The following ARHGEF7 variants were observed in gnomAD, a reference collection of about 807,000 sequenced individuals.
The protein encoded by ARHGEF7 is PAK-interacting exchange factor beta.
A neutral mutation model predicts 109.8 loss-of-function variants in ARHGEF7; 33 were observed. The ratio of observed to expected loss-of-function variants is 0.30; its 90% CI spans 0.23 to 0.40. The LOEUF (loss-of-function observed/expected upper bound fraction) is 0.40, where lower values mean the gene tolerates loss of function less well. Ranked by LOEUF, ARHGEF7 falls within the 10% of genes least tolerant of loss-of-function variation. ARHGEF7 has a pLI of 1.00. For missense variants in ARHGEF7, 938 were observed against 1,098.5 expected (o/e 0.85, Z 2.07); for synonymous variants, 458 against 424.6 (o/e 1.08, Z -0.97).
At chr13:111,203,363 A>AG (rs2081406988) in intron 2 of ARHGEF7, among the ~76,000 whole-genome samples, 1 of 152,234 alleles carries the variant, frequency 6.6e-6, no homozygotes, top group Non-Finnish European at 1.5e-5. Context: ...ATGTCAGCCT[A>AG]GATGCTGCTC....
At chr13:111,248,074 AT>A (rs1470393780) in intron 8 of ARHGEF7, among the ~76,000 whole-genome samples, 1 of 152,074 alleles carries the variant, frequency 6.6e-6, no homozygotes, top group Non-Finnish European at 1.5e-5. Flanking sequence ...GTTTTTTGTA[AT>A]TCAGGTGTGT....
At chr13:111,130,242 G>A (rs1021266691) in intron 1 of ARHGEF7, among the ~76,000 whole-genome samples, 2 of 152,182 alleles carry the variant, frequency 1.3e-5, no homozygotes, top group African/African-American at 2.4e-5. Context: ...TCTGCGTGAG[G>A]GGCAGAGTCA....
At chr13:111,155,020 TAAA>T (rs928709341) in intron 2 of ARHGEF7, among the ~76,000 whole-genome samples, 4 of 151,890 alleles carry the variant, frequency 2.6e-5, no homozygotes, top group African/African-American at 9.7e-5. Context: ...AAAAAAACAA[TAAA>T]AAACAACACA....
intron 2 of ARHGEF7, chr13:111,202,999 C>T: frequency 8.8e-7 from 1 of 1,133,462 alleles, no homozygotes; most frequent in Non-Finnish European, 1.1e-6. Context: ...TTCAGCCAAT[C>T]AGATGCTTCC....
Position 111,246,385 on chromosome 13 carries a change from G to T in ARHGEF7, c.950+2091G>T, listed in dbSNP as rs372427920. Among the ~76,000 whole-genome samples, 288 of 152,244 alleles carry T rather than the reference G, an allele frequency of 1.9e-3. 1 individual carries two copies. Among genetic ancestry groups the T allele is most frequent in the South Asian group, 8.3e-3 (40 of 4,818 alleles). On this transcript the variant is annotated intron_variant, in intron 8 of 21. Transcript: ENST00000646102. ...AGGTTTTGAACGTGGTGAGGGAGTG[G>T]CCTTCCTTCTGTGCCACTAGTTCTT...
chr13:111,237,742 A>G (rs1595053541), intron 6 of ARHGEF7, among the ~76,000 whole-genome samples: 2 of 152,242 alleles, frequency 1.3e-5, no homozygotes, highest in Non-Finnish European at 1.5e-5. Flanking sequence ...AATACAAAAA[A>G]CATATATTTT....
chr13:111,221,089 A>G (rs577693431), intron 5 of ARHGEF7, among the ~76,000 whole-genome samples: 146 of 143,488 alleles, frequency 1.0e-3, no homozygotes, highest in Non-Finnish European at 1.8e-3. Context: ...ACATCCCCCT[A>G]TTGTGGGACC....
intron 9 of ARHGEF7, among the ~76,000 whole-genome samples, chr13:111,269,776 G>A (rs1450198312): frequency 6.6e-6 from 1 of 152,184 alleles, no homozygotes. Context: ...GAGAGTTCCC[G>A]CTGTGTTGGC....
intron 2 of ARHGEF7, among the ~76,000 whole-genome samples, chr13:111,196,667 C>T (rs2080539555): frequency 6.6e-6 from 1 of 151,910 alleles, no homozygotes. Context: ...TGCTTATTTC[C>T]TTCTGGGCAG....
chr13:111,298,680 C>G (rs2093480852), intron 19 of ARHGEF7, among the ~76,000 whole-genome samples: 1 of 152,210 alleles, frequency 6.6e-6, no homozygotes, highest in Admixed American at 6.5e-5. Context: ...AAAAGTTATT[C>G]CCGAGACATA....
chr13:111,141,241 G>A (rs972287822), intron 1 of ARHGEF7, among the ~76,000 whole-genome samples: 5 of 152,188 alleles, frequency 3.3e-5, no homozygotes, highest in South Asian at 2.1e-4. Flanking sequence ...ATGACATGTA[G>A]CCACTGTATA....
chr13:111,247,185 C>T (rs1291741634), intron 8 of ARHGEF7, among the ~76,000 whole-genome samples: 3 of 151,860 alleles, frequency 2.0e-5, no homozygotes, highest in Admixed American at 6.6e-5. Context: ...TTAAGACTTA[C>T]TTTCGTCTTT....
chr13:111,136,756 G>T (rs1452989841), intron 1 of ARHGEF7, among the ~76,000 whole-genome samples: 2 of 152,208 alleles, frequency 1.3e-5, no homozygotes, highest in Non-Finnish European at 2.9e-5. Context: ...GAGCAGAGCT[G>T]AAGGAGATAG....
chr13:111,132,391 C>T (rs982122705), intron 1 of ARHGEF7, among the ~76,000 whole-genome samples: 13 of 152,184 alleles, frequency 8.5e-5, no homozygotes, highest in African/African-American at 3.1e-4. Flanking sequence ...TGAATGGCTT[C>T]TGAGGTCAGG....
chr13:111,120,675 T>G (rs1348815108), intron 1 of ARHGEF7, among the ~76,000 whole-genome samples: 1 of 152,198 alleles, frequency 6.6e-6, no homozygotes, highest in Non-Finnish European at 1.5e-5. Context: ...TTAATAGAAG[T>G]CACTCCAGAA....
chr13:111,205,441 G>A (rs2081704993), intron 3 of ARHGEF7, 68 bp downstream of exon 3: 2 of 1,151,598 alleles, frequency 1.7e-6, no homozygotes, highest in African/African-American at 1.6e-5. Context: ...TGGTTTTCTT[G>A]TTTTACCAAA....
At chr13:111,208,126 C>T (rs771772531) in intron 3 of ARHGEF7, among the ~76,000 whole-genome samples, 5 of 152,156 alleles carry the variant, frequency 3.3e-5, no homozygotes, top group African/African-American at 4.8e-5. Context: ...CCGCAACCTC[C>T]GCCTCCTGGA....
chr13:111,249,744 G>A (rs2089471691), intron 8 of ARHGEF7, among the ~76,000 whole-genome samples: 1 of 152,162 alleles, frequency 6.6e-6, no homozygotes, highest in Non-Finnish European at 1.5e-5. Context: ...GGGCTCACAA[G>A]AAATCTCCTT....
chr13:111,234,903 G>C (rs145705523), intron 6 of ARHGEF7, among the ~76,000 whole-genome samples: 1 of 152,200 alleles, frequency 6.6e-6, no homozygotes, highest in East Asian at 1.9e-4. Context: ...CCCTTGGCCT[G>C]TTGGGCATTT....
Sources: gnomAD v4.1 joint callset for allele counts (sites outside exome capture counted in the v4.1 genomes callset) on GRCh38, gnomAD v4.1.1 for gene constraint, MANE v1.5 for transcripts, NCBI Gene and HGNC (gene_info 2026-07-23, HGNC 2026-07-21) for gene names.